DMD: variants seen among roughly 807,000 people sequenced by gnomAD.
The protein encoded by DMD is mutant dystrophin.
A neutral mutation model predicts 330.1 loss-of-function variants in DMD; 63 were observed. That is an observed-to-expected ratio of 0.19 (90% CI 0.16 to 0.24). DMD has a LOEUF of 0.24. Among genes scored for constraint, DMD ranks in the 10% least tolerant of loss-of-function variants. The pLI is 1.00. For synonymous variants in DMD, 1,223 were observed against 959.8 expected (o/e 1.27, Z -5.07); for missense variants, 3,344 against 2,684.1 (o/e 1.25, Z -5.43).
At chrX:33,311,000 T>C (rs1360205347) in intron 1 of DMD, among the ~76,000 whole-genome samples, 1 of 110,732 alleles carries the variant, frequency 9.0e-6, no homozygotes, top group Non-Finnish European at 1.9e-5. Flanking sequence ...CTAAGTTATG[T>C]AAAGATATCA....
chrX:32,998,115 C>T (rs2093173374), intron 2 of DMD, among the ~76,000 whole-genome samples: 1 of 109,976 alleles, frequency 9.1e-6, no homozygotes. Context: ...AATCCCAGCT[C>T]TTTGGGAGGC....
At chrX:32,158,054 C>T (rs907099331) in intron 44 of DMD, among the ~76,000 whole-genome samples, 6 of 112,113 alleles carry the variant, frequency 5.4e-5, no homozygotes, top group Admixed American at 1.9e-4. Context: ...AGGGCAGCAG[C>T]TGAACAGGGG....
intron 1 of DMD, among the ~76,000 whole-genome samples, chrX:33,026,217 C>A (rs1336533015): frequency 4.9e-5 from 5 of 103,086 alleles, no homozygotes; most frequent in African/African-American, 7.1e-5. Context: ...CGCCTGTAGT[C>A]CCAGCTACTG....
At chrX:33,268,965 G>A (rs1177248536) in intron 1 of DMD, among the ~76,000 whole-genome samples, 1 of 108,945 alleles carries the variant, frequency 9.2e-6, no homozygotes, top group Admixed American at 9.9e-5. Context: ...GTAGATAAAA[G>A]GGAGTGCTTA....
intron 41 of DMD, among the ~76,000 whole-genome samples, chrX:32,327,885 G>A (rs1330093335): frequency 9.0e-6 from 1 of 111,335 alleles, no homozygotes; most frequent in Non-Finnish European, 1.9e-5. Flanking sequence ...CAATCTCCTT[G>A]TAAAAGCAGC....
rs987360639 is a variant in DMD, at chrX:32,649,118, G to GT, written c.961-3967dup. Among the ~76,000 whole-genome samples the GT allele has an allele frequency of 1.2e-3, 117 of 97,828 alleles. 1 individual carries two copies. The highest frequency in any genetic ancestry group is 2.6e-3 in the East Asian group (8 of 3,095). The allele number at this position is 97,828 out of a possible 115,157, so 85.0% of individuals were successfully genotyped here. A position where few individuals can be genotyped will look rare whatever the true frequency, so the allele number is the denominator to read the frequency against. On this transcript the variant is annotated intron_variant, in intron 9 of 78. Coordinates refer to ENST00000357033, the MANE Select transcript of DMD (RefSeq NM_004006.3). ...GAATGGATGAAACGATTCTGTTTTTGTTTTTTTTTTTTCCCCCAAAATTGA... is the reference window on the plus strand; with the variant it reads ...GAATGGATGAAACGATTCTGTTTTTGTTTTTTTTTTTTTCCCCCAAAATTGA...
At chrX:31,250,699 G>A (rs2049262888) in intron 63 of DMD, among the ~76,000 whole-genome samples, 1 of 111,491 alleles carries the variant, frequency 9.0e-6, no homozygotes. Flanking sequence ...AAGTGTTGTT[G>A]AACTTGACTG....
intron 7 of DMD, among the ~76,000 whole-genome samples, chrX:32,726,616 G>A (rs1471198924): frequency 9.0e-6 from 1 of 111,071 alleles, no homozygotes; most frequent in East Asian, 2.8e-4. Context: ...AAATTTAACA[G>A]ATCACCTTTA....
intron 18 of DMD, among the ~76,000 whole-genome samples, chrX:32,509,587 C>G (rs1225891910): frequency 1.8e-5 from 2 of 111,892 alleles, no homozygotes; most frequent in Non-Finnish European, 3.8e-5. Context: ...ATCAAAACTG[C>G]TCTTATCAGT....
chrX:32,043,983 G>C (rs1360131276), intron 44 of DMD, among the ~76,000 whole-genome samples: 1 of 111,810 alleles, frequency 8.9e-6, no homozygotes, highest in African/African-American at 3.3e-5. Context: ...TTTCGAATAA[G>C]GTCTTCCTAT....
intron 1 of DMD, among the ~76,000 whole-genome samples, chrX:33,133,943 G>T (rs762370613): frequency 2.6e-4 from 29 of 111,913 alleles, no homozygotes; most frequent in Middle Eastern, 4.6e-3. Flanking sequence ...AATATCATAG[G>T]GGTATTTGCT....
intron 41 of DMD, among the ~76,000 whole-genome samples, chrX:32,320,595 G>T (rs2097607975): frequency 9.0e-6 from 1 of 110,842 alleles, no homozygotes; most frequent in African/African-American, 3.3e-5. Flanking sequence ...TTATAGAAAA[G>T]GTTAATACCA....
intron 48 of DMD, among the ~76,000 whole-genome samples, chrX:31,850,479 G>A (rs1029286041): frequency 8.0e-5 from 9 of 112,027 alleles, no homozygotes; most frequent in African/African-American, 2.9e-4. Context: ...GGGCTTGACT[G>A]TGTACCTTTG....
rs754115204 is a variant in DMD, at chrX:32,604,255, G to A, written c.1483-8379C>T. 3.6e-5 allele frequency among the ~76,000 whole-genome samples: 4 copies of A among 110,184 alleles called. No individual in the cohort carries two copies. In the East Asian group the frequency reaches 1.1e-3, roughly 31 times the overall value. ...TTTTGTGTGGTGCAATATATGCAGA[G>A]CAATATATGTGATTCACCACATAAA... On this transcript the variant is annotated intron_variant, in intron 12 of 78. Transcript: ENST00000357033.
chrX:32,753,966 G>T (rs1447687113), intron 7 of DMD, among the ~76,000 whole-genome samples: 3 of 110,602 alleles, frequency 2.7e-5, no homozygotes, highest in Non-Finnish European at 5.7e-5. Flanking sequence ...CCGTGATTTA[G>T]CCTATCATGA....
chrX:33,181,480 C>G (rs1464799346), intron 1 of DMD, among the ~76,000 whole-genome samples: 1 of 111,480 alleles, frequency 9.0e-6, no homozygotes, highest in Non-Finnish European at 1.9e-5. Flanking sequence ...AATCACTGAG[C>G]TCAGGGAGGT....
chrX:32,116,299 C>T (rs1215353831), intron 44 of DMD, among the ~76,000 whole-genome samples: 1 of 112,083 alleles, frequency 8.9e-6, no homozygotes, highest in Non-Finnish European at 1.9e-5. Context: ...CTAAACAAGT[C>T]CACCTTCAAT....
At chrX:31,542,577 G>T (rs2073895827) in intron 55 of DMD, among the ~76,000 whole-genome samples, 1 of 111,989 alleles carries the variant, frequency 8.9e-6, no homozygotes, top group Non-Finnish European at 1.9e-5. Flanking sequence ...TGTATTTCCT[G>T]CTATTATTGT....
intron 34 of DMD, among the ~76,000 whole-genome samples, chrX:32,378,403 A>T (rs2097912320): frequency 9.1e-6 from 1 of 109,698 alleles, no homozygotes; most frequent in South Asian, 3.7e-4. Flanking sequence ...ATTTTTCTGG[A>T]ATTTAATATA....
Sources: allele counts gnomAD v4.1 joint callset (sites outside exome capture counted in the v4.1 genomes callset), GRCh38; gene constraint gnomAD v4.1.1; transcripts MANE v1.5; gene names NCBI Gene and HGNC (gene_info 2026-07-23, HGNC 2026-07-21).